SRGAP3: variants seen among roughly 807,000 people sequenced by gnomAD.
SRGAP3 encodes the protein SLIT-ROBO Rho GTPase activating protein 3.
In SRGAP3, 39 loss-of-function variants were observed where a neutral mutation model predicts 121.1. That is an observed-to-expected ratio of 0.32 (90% CI 0.25 to 0.42). The LOEUF (loss-of-function observed/expected upper bound fraction) is 0.42, where lower values mean the gene tolerates loss of function less well. SRGAP3 is among the 10% of genes least tolerant of loss of function. The pLI is 1.00. For synonymous variants in SRGAP3, 601 were observed against 570.0 expected (o/e 1.05, Z -0.77); for missense variants, 1,213 against 1,470.6 (o/e 0.82, Z 2.86).
intron 1 of SRGAP3, among the ~76,000 whole-genome samples, chr3:9,162,504 T>C (rs1384469087): frequency 6.6e-6 from 1 of 152,160 alleles, no homozygotes; most frequent in Non-Finnish European, 1.5e-5. Context: ...CCTGTGGAAC[T>C]TGCTGCCAAC....
chr3:8,980,856 A>T lies in SRGAP3; in HGVS notation c.*4663T>A, dbSNP rs954220477. 1.7e-5 allele frequency: 4 copies of T among 233,414 alleles called. No homozygotes were observed. Among genetic ancestry groups the T allele is most frequent in the Non-Finnish European group, 3.4e-5 (4 of 117,934 alleles). 14.5% of individuals were successfully genotyped at this position (233,414 alleles called of 1,614,324 possible). On this transcript the variant is annotated 3_prime_UTR_variant, in exon 22 of 22. Coordinates refer to ENST00000383836, the MANE Select transcript of SRGAP3 (RefSeq NM_014850.4). ...CCAAAGGAAACAAAATAGACCAGCCACTCTGAAGCAATCAGAATCAAACCT... is the reference window on the plus strand; with the variant it reads ...CCAAAGGAAACAAAATAGACCAGCCTCTCTGAAGCAATCAGAATCAAACCT...
chr3:9,319,047 A>C (rs1357444603), intron 3 of SRGAP3, among the ~76,000 whole-genome samples: 1 of 151,896 alleles, frequency 6.6e-6, no homozygotes, highest in Non-Finnish European at 1.5e-5. Flanking sequence ...AAGGGGAAAA[A>C]ATACATTCAT....
chr3:9,158,844 C>T (rs1248997294), intron 1 of SRGAP3, among the ~76,000 whole-genome samples: 1 of 152,192 alleles, frequency 6.6e-6, no homozygotes, highest in African/African-American at 2.4e-5. Context: ...TGACCCACAA[C>T]TCAGGCATGG....
At chr3:9,312,994 AAAAT>A (rs1955275790) in intron 3 of SRGAP3, among the ~76,000 whole-genome samples, 1 of 152,042 alleles carries the variant, frequency 6.6e-6, no homozygotes. Flanking sequence ...TTTGTCTCTA[AAAAT>A]AAATAAATAA....
chr3:9,324,696 C>T (rs999213327), intron 3 of SRGAP3, among the ~76,000 whole-genome samples: 4 of 151,756 alleles, frequency 2.6e-5, no homozygotes, highest in African/African-American at 9.7e-5. Context: ...GTGGCTCACG[C>T]CTGTCATCTC....
At chr3:9,353,505 A>G (rs2030311730) in intron 1 of SRGAP3, among the ~76,000 whole-genome samples, 1 of 152,242 alleles carries the variant, frequency 6.6e-6, no homozygotes, top group African/African-American at 2.4e-5. Context: ...TTTCATATAC[A>G]TTCTCTTGAA....
intron 1 of SRGAP3, among the ~76,000 whole-genome samples, chr3:9,188,162 A>C (rs968748710): frequency 1.3e-5 from 2 of 152,230 alleles, no homozygotes; most frequent in African/African-American, 4.8e-5. Context: ...TTTTTGTAAG[A>C]ACCCAAATAA....
intron 1 of SRGAP3, among the ~76,000 whole-genome samples, chr3:9,154,309 G>T (rs969951296): frequency 6.6e-5 from 10 of 152,134 alleles, no homozygotes; most frequent in Admixed American, 6.5e-4. Context: ...GCCGCCCCTG[G>T]GGAATGAGGT....
intron 1 of SRGAP3, among the ~76,000 whole-genome samples, chr3:9,343,198 C>T (rs1955824084): frequency 6.6e-6 from 1 of 152,206 alleles, no homozygotes; most frequent in Non-Finnish European, 1.5e-5. Context: ...AAGCCAAAAC[C>T]CCAAGTTTCT....
At chr3:9,031,495 C>T (rs1944479209) in intron 12 of SRGAP3, among the ~76,000 whole-genome samples, 1 of 152,180 alleles carries the variant, frequency 6.6e-6, no homozygotes, top group African/African-American at 2.4e-5. Context: ...TCCTTCGACC[C>T]TGGGCAGTCC....
chr3:9,149,227 A>AG (rs1950129720), intron 1 of SRGAP3, among the ~76,000 whole-genome samples: 1 of 151,714 alleles, frequency 6.6e-6, no homozygotes, highest in African/African-American at 2.4e-5. Flanking sequence ...AAAAAAAAAA[A>AG]AAAAGAAAAG....
intron 2 of SRGAP3, among the ~76,000 whole-genome samples, chr3:9,117,243 T>C (rs1216487891): frequency 6.6e-6 from 1 of 152,270 alleles, no homozygotes; most frequent in Non-Finnish European, 1.5e-5. Flanking sequence ...TCAATTTATA[T>C]GCTACAAAAG....
At chr3:9,163,675 G>A (rs1296003969) in intron 1 of SRGAP3, among the ~76,000 whole-genome samples, 1 of 152,198 alleles carries the variant, frequency 6.6e-6, no homozygotes, top group Non-Finnish European at 1.5e-5. Flanking sequence ...CTGAACCACT[G>A]CAAGGATCTC....
rs143051902 is a variant in SRGAP3 at position 8,981,030 on chromosome 3, A to C, written c.*4489T>G. ...CTTTGTTATTGGCCGGGGACAACTCACACAGAAAGGAGGTGTCAACAAGGG... is the reference window on the plus strand; with the variant it reads ...CTTTGTTATTGGCCGGGGACAACTCCCACAGAAAGGAGGTGTCAACAAGGG... On this transcript the variant is annotated 3_prime_UTR_variant, in exon 22 of 22. Transcript: ENST00000383836. The C allele has an allele frequency of 1.7e-5, 4 of 233,198 alleles. No individual in the cohort carries two copies. The highest frequency in any genetic ancestry group is 8.8e-5 in the African/African-American group (4 of 45,430). 14.4% of individuals were successfully genotyped at this position (233,198 alleles called of 1,614,324 possible).
intron 3 of SRGAP3, chr3:9,256,809 C>T (rs1954141705): frequency 2.5e-6 from 1 of 398,566 alleles, no homozygotes; most frequent in Non-Finnish European, 4.4e-6. Context: ...CTGCAACTGC[C>T]TGGGAGAGTC....
intron 2 of SRGAP3, among the ~76,000 whole-genome samples, chr3:9,114,458 A>C (rs1295578270): frequency 6.6e-6 from 1 of 152,094 alleles, no homozygotes; most frequent in Non-Finnish European, 1.5e-5. Flanking sequence ...CCTTCTGCAG[A>C]CTGTTATGTG....
intron 3 of SRGAP3, among the ~76,000 whole-genome samples, chr3:9,100,711 T>C (rs1430933835): frequency 6.6e-6 from 1 of 152,200 alleles, no homozygotes; most frequent in African/African-American, 2.4e-5. Context: ...GTGTCAATCA[T>C]GTGGTAAAAC....
At chr3:9,250,684 C>G (rs2648521), upstream of SRGAP3, among the ~76,000 whole-genome samples, 1 of 151,888 alleles carries the variant, frequency 6.6e-6, no homozygotes, top group Non-Finnish European at 1.5e-5. Context: ...CCTTTTATAT[C>G]CCCCAACAAC....
At chr3:9,281,766 G>A (rs918070097) in intron 3 of SRGAP3, among the ~76,000 whole-genome samples, 2 of 152,182 alleles carry the variant, frequency 1.3e-5, no homozygotes, top group South Asian at 2.1e-4. Flanking sequence ...TCCACCATCC[G>A]GGTTCAAGCG....
Sources: allele counts gnomAD v4.1 joint callset (sites outside exome capture counted in the v4.1 genomes callset), GRCh38; gene constraint gnomAD v4.1.1; transcripts MANE v1.5; gene names NCBI Gene and HGNC (gene_info 2026-07-23, HGNC 2026-07-21).